The following KCND2 variants were observed in gnomAD, a reference collection of about 807,000 sequenced individuals.
KCND2 encodes the protein potassium voltage-gated channel subfamily D member 2, also known as A-type voltage-gated potassium channel KCND2.
KCND2 carries 16 observed loss-of-function variants against 54.4 expected under a neutral mutation model. The observed-to-expected ratio is 0.29, with a 90% CI of 0.20 to 0.45. The LOEUF (loss-of-function observed/expected upper bound fraction) is 0.45. KCND2 is among the 20% of genes least tolerant of loss of function. The pLI, the probability that KCND2 is intolerant of heterozygous loss-of-function variation, is 1.00. For synonymous variants in KCND2, 317 were observed against 310.7 expected (o/e 1.02, Z -0.21); for missense variants, 486 against 824.2 (o/e 0.59, Z 5.02).
chr7:120,364,832 G>C (rs1800644003), intron 1 of KCND2, among the ~76,000 whole-genome samples: 1 of 152,062 alleles, frequency 6.6e-6, no homozygotes, highest in African/African-American at 2.4e-5. Flanking sequence ...TTGCCCGTCA[G>C]ACTTAGCAGG....
intron 1 of KCND2, among the ~76,000 whole-genome samples, chr7:120,602,027 G>A (rs1437302308): frequency 1.3e-5 from 2 of 152,120 alleles, no homozygotes; most frequent in East Asian, 1.9e-4. Context: ...TGCAGCAGCA[G>A]CCATCATTAG....
chr7:120,431,760 C>T (rs1445722133), intron 1 of KCND2, among the ~76,000 whole-genome samples: 1 of 152,146 alleles, frequency 6.6e-6, no homozygotes, highest in East Asian at 1.9e-4. Context: ...TGTTGACAGA[C>T]ATCAAAAATA....
At chr7:120,534,366 A>G (rs1791877342) in intron 1 of KCND2, among the ~76,000 whole-genome samples, 2 of 151,994 alleles carry the variant, frequency 1.3e-5, no homozygotes, top group East Asian at 1.9e-4. Context: ...CATCCTCCTT[A>G]CCTAACCCGG....
At chr7:120,582,903 T>A (rs1792535940) in intron 1 of KCND2, among the ~76,000 whole-genome samples, 1 of 152,056 alleles carries the variant, frequency 6.6e-6, no homozygotes, top group South Asian at 2.1e-4. Context: ...TTCTTTAGCT[T>A]ATGACATTAG....
At chr7:120,432,277 T>C (rs1038940082) in intron 1 of KCND2, among the ~76,000 whole-genome samples, 1 of 152,232 alleles carries the variant, frequency 6.6e-6, no homozygotes, top group African/African-American at 2.4e-5. Flanking sequence ...TGCCCCAGAA[T>C]GACACCTTGT....
At chr7:120,625,992 A>G (rs1793159316) in intron 1 of KCND2, among the ~76,000 whole-genome samples, 1 of 152,106 alleles carries the variant, frequency 6.6e-6, no homozygotes, top group Admixed American at 6.5e-5. Context: ...TGCACTTTAA[A>G]TTTTGGAACA....
chr7:120,734,913 C>G (rs1333838098), intron 2 of KCND2, among the ~76,000 whole-genome samples: 1 of 152,014 alleles, frequency 6.6e-6, no homozygotes, highest in African/African-American at 2.4e-5. Context: ...CAATGTCAGC[C>G]TCTTAAGTAA....
intron 1 of KCND2, among the ~76,000 whole-genome samples, chr7:120,690,412 T>G (rs1792254249): frequency 6.6e-6 from 1 of 152,196 alleles, no homozygotes; most frequent in African/African-American, 2.4e-5. Flanking sequence ...AGTATTTAAT[T>G]ATTTCCAAAT....
At chr7:120,519,022 A>G (rs1210900781) in intron 1 of KCND2, among the ~76,000 whole-genome samples, 1 of 152,096 alleles carries the variant, frequency 6.6e-6, no homozygotes, top group African/African-American at 2.4e-5. Context: ...TGGAGGGGCA[A>G]TGTGATACAG....
chr7:120,521,797 A>T (rs1791699131), intron 1 of KCND2, among the ~76,000 whole-genome samples: 1 of 152,298 alleles, frequency 6.6e-6, no homozygotes, highest in African/African-American at 2.4e-5. Context: ...CACATGTATA[A>T]ACACACGTAT....
chr7:120,520,187 T>C (rs955656649), intron 1 of KCND2, among the ~76,000 whole-genome samples: 2 of 152,134 alleles, frequency 1.3e-5, no homozygotes, highest in African/African-American at 4.8e-5. Context: ...CTACCATTTA[T>C]GTGTAATATT....
At chr7:120,438,496 T>C (rs1226985728) in intron 1 of KCND2, among the ~76,000 whole-genome samples, 1 of 152,138 alleles carries the variant, frequency 6.6e-6, no homozygotes, top group African/African-American at 2.4e-5. Flanking sequence ...AAATAACTAA[T>C]AGTAAATAGA....
chr7:120,395,003 G>C (rs928135361), intron 1 of KCND2, among the ~76,000 whole-genome samples: 1 of 151,890 alleles, frequency 6.6e-6, no homozygotes, highest in African/African-American at 2.4e-5. Context: ...TCAAATTAAG[G>C]ATACCAAGTT....
At chr7:120,675,412 T>A (rs533633179) in intron 1 of KCND2, among the ~76,000 whole-genome samples, 27 of 151,888 alleles carry the variant, frequency 1.8e-4, no homozygotes, top group Non-Finnish European at 2.9e-4. Context: ...TTTTTTTTTT[T>A]ATTTTTAGTA....
At chr7:120,432,397 T>A (rs1801804381) in intron 1 of KCND2, among the ~76,000 whole-genome samples, 1 of 152,174 alleles carries the variant, frequency 6.6e-6, no homozygotes, top group Non-Finnish European at 1.5e-5. Flanking sequence ...CAGTGTACTG[T>A]ATTTGTCTAG....
chr7:120,472,434 C>T (rs1019731125), intron 1 of KCND2, among the ~76,000 whole-genome samples: 1 of 151,974 alleles, frequency 6.6e-6, no homozygotes, highest in Admixed American at 6.6e-5. Flanking sequence ...CATGGGCTTC[C>T]GAATAACATT....
chr7:120,631,871 A>T (rs1793238170), intron 1 of KCND2, among the ~76,000 whole-genome samples: 1 of 152,210 alleles, frequency 6.6e-6, no homozygotes, highest in Non-Finnish European at 1.5e-5. Flanking sequence ...CTTACTAAGG[A>T]ATAACAGAGA....
intron 1 of KCND2, among the ~76,000 whole-genome samples, chr7:120,314,556 A>G (rs1033552110): frequency 8.5e-5 from 13 of 152,208 alleles, no homozygotes; most frequent in African/African-American, 2.9e-4. Context: ...AGAATAAATT[A>G]TAAATCATAT....
intron 1 of KCND2, among the ~76,000 whole-genome samples, chr7:120,341,265 A>G (rs902211112): frequency 3.9e-5 from 6 of 152,178 alleles, no homozygotes; most frequent in Admixed American, 6.5e-5. Flanking sequence ...TGGAGAGTAC[A>G]TGGACTGGTT....
Sources: allele counts gnomAD v4.1 joint callset (sites outside exome capture counted in the v4.1 genomes callset), GRCh38; gene constraint gnomAD v4.1.1; transcripts MANE v1.5; gene names NCBI Gene and HGNC (gene_info 2026-07-23, HGNC 2026-07-21).